Variants in LRBA observed in about 807,000 individuals in gnomAD.
LRBA encodes LPS responsive beige-like anchor protein.
A neutral mutation model predicts 330.0 loss-of-function variants in LRBA; 176 were observed. The observed-to-expected ratio is 0.53, with a 90% CI of 0.47 to 0.60. The LOEUF (loss-of-function observed/expected upper bound fraction) is 0.60. Ranked by LOEUF, LRBA falls within the 20% of genes least tolerant of loss-of-function variation. LRBA has a pLI of 0.00. For synonymous variants in LRBA, 1,230 were observed against 1,193.0 expected (o/e 1.03, Z -0.64); for missense variants, 3,259 against 3,444.8 (o/e 0.95, Z 1.35).
intron 2 of LRBA, among the ~76,000 whole-genome samples, chr4:150,931,764 A>G (rs1734531232): frequency 6.6e-6 from 1 of 152,180 alleles, no homozygotes; most frequent in Non-Finnish European, 1.5e-5. Flanking sequence ...CCTGTCTAAA[A>G]AAAAAATAAG....
chr4:150,395,078 C>G (rs1369080004), intron 47 of LRBA, among the ~76,000 whole-genome samples: 1 of 152,046 alleles, frequency 6.6e-6, no homozygotes, highest in African/African-American at 2.4e-5. Context: ...AATGAGCCAG[C>G]AGAGTTAGGA....
chr4:150,492,747 A>G (rs1382240113), intron 40 of LRBA, among the ~76,000 whole-genome samples: 2 of 152,108 alleles, frequency 1.3e-5, no homozygotes, highest in African/African-American at 4.8e-5. Flanking sequence ...GGACTGTCAG[A>G]TGAGTTCAAC....
chr4:151,005,454 A>C (rs1003621549), intron 2 of LRBA, among the ~76,000 whole-genome samples: 5 of 151,120 alleles, frequency 3.3e-5, no homozygotes, highest in African/African-American at 1.2e-4. Flanking sequence ...AAAAAAAAAA[A>C]AAAAAAAAAA....
chr4:150,592,446 A>G (rs2126472040), intron 38 of LRBA, among the ~76,000 whole-genome samples: 1 of 151,994 alleles, frequency 6.6e-6, no homozygotes, highest in Admixed American at 6.5e-5. Context: ...TGCTACTGAA[A>G]CATAGGAGTT....
intron 2 of LRBA, among the ~76,000 whole-genome samples, chr4:150,954,718 C>A (rs2149552138): frequency 6.8e-6 from 1 of 146,864 alleles, no homozygotes; most frequent in African/African-American, 2.7e-5. Context: ...TGTCCTATGA[C>A]CCTGCCAAAT....
intron 36 of LRBA, among the ~76,000 whole-genome samples, chr4:150,690,637 T>C (rs1784044452): frequency 6.8e-6 from 1 of 146,952 alleles, no homozygotes; most frequent in South Asian, 2.1e-4. Context: ...GATGACAAAA[T>C]GAAGAAACAA....
chr4:150,966,608 G>A (rs1045582116), intron 2 of LRBA, among the ~76,000 whole-genome samples: 2 of 151,546 alleles, frequency 1.3e-5, no homozygotes, highest in Admixed American at 6.6e-5. Context: ...TTACAGGCGT[G>A]AGCCACCGCG....
At chr4:150,348,713 T>C (rs1736739318) in intron 48 of LRBA, among the ~76,000 whole-genome samples, 2 of 152,236 alleles carry the variant, frequency 1.3e-5, no homozygotes, top group South Asian at 4.1e-4. Context: ...TGTTGAAGAA[T>C]TATGGGCATT....
intron 2 of LRBA, among the ~76,000 whole-genome samples, chr4:150,968,002 CTTTT>C (rs35023986): frequency 1.6e-5 from 2 of 126,048 alleles, no homozygotes; most frequent in South Asian, 2.7e-4. Flanking sequence ...ATTTGCACAT[CTTTT>C]TTTTTTTTTT....
chr4:150,470,457 G>A (rs370331458), intron 43 of LRBA, among the ~76,000 whole-genome samples: 3 of 151,890 alleles, frequency 2.0e-5, no homozygotes, highest in Admixed American at 2.0e-4. Context: ...ACTGCTTTCT[G>A]TATTATCTTC....
intron 35 of LRBA, among the ~76,000 whole-genome samples, chr4:150,742,947 T>C (rs1420022199): frequency 6.6e-6 from 1 of 152,068 alleles, no homozygotes; most frequent in Non-Finnish European, 1.5e-5. Flanking sequence ...TAAACTTGGA[T>C]CCAAAGCAAT....
chr4:150,685,576 G>A (rs944421287), intron 36 of LRBA, among the ~76,000 whole-genome samples: 3 of 149,554 alleles, frequency 2.0e-5, no homozygotes, highest in Middle Eastern at 3.4e-3. Context: ...TGGGACTACA[G>A]GTGCACGCCA....
At chr4:150,270,123 T>C (rs1745871449) in intron 56 of LRBA, among the ~76,000 whole-genome samples, 1 of 152,190 alleles carries the variant, frequency 6.6e-6, no homozygotes, top group African/African-American at 2.4e-5. Context: ...GGAACCCATG[T>C]AAAATGGTAC....
Position 150,583,139 on chromosome 4 carries a change from T to C in LRBA, c.6330+4909A>G, listed in dbSNP as rs1293040520. 13 of 1,614,076 alleles carry C rather than the reference T, an allele frequency of 8.1e-6. No homozygotes were observed. The highest frequency in any genetic ancestry group is 1.1e-5 in the Non-Finnish European group (13 of 1,179,996). ...AAAACCATCCGAGAGGTCTGTAAGG[T>C]GGTCTCGGACGTGCTCAAGGAAGTG... On this transcript the variant is annotated intron_variant, in intron 40 of 56. Transcript: ENST00000651943. The surrounding 1 kb of genome is among the most constrained non-coding windows in gnomAD (Gnocchi z 9.8).
chr4:150,657,710 G>A (rs943289597), intron 37 of LRBA, among the ~76,000 whole-genome samples: 14 of 151,872 alleles, frequency 9.2e-5, no homozygotes, highest in Middle Eastern at 3.5e-3. Flanking sequence ...TTAATGTTTC[G>A]TTTCCCAAAA....
chr4:150,461,867 A>G (rs982276042), intron 44 of LRBA, among the ~76,000 whole-genome samples: 1 of 151,752 alleles, frequency 6.6e-6, no homozygotes, highest in African/African-American at 2.4e-5. Context: ...TGATTGCCTC[A>G]GATTGTCTTG....
At chr4:150,812,730 T>C (rs911931646) in intron 31 of LRBA, among the ~76,000 whole-genome samples, 3 of 152,172 alleles carry the variant, frequency 2.0e-5, no homozygotes, top group Non-Finnish European at 4.4e-5. Flanking sequence ...CTGTCTAATA[T>C]TCTAGTAAGT....
intron 42 of LRBA, among the ~76,000 whole-genome samples, chr4:150,478,382 T>C (rs1334921961): frequency 6.6e-6 from 1 of 152,216 alleles, no homozygotes; most frequent in South Asian, 2.1e-4. Context: ...ACAAATACTG[T>C]TCGTCCATTA....
rs149148368 is a variant in LRBA at position 150,896,411 on chromosome 4, G to C, written c.2050C>G (p.Leu684Val). The stretch of plus-strand genomic sequence containing the variant: ...TATATTACCTCATGCATAGTCAGTA[G>C]GTAATTAAGAATGGCCTGTAATTCA... ...EDELQAILNY[L>V]LTMHEDDNLM... The change falls in exon 16 of 57, where the codon CTA (leucine) becomes GTA (valine). Residue 684 changes from leucine to valine, a missense_variant. Transcript: ENST00000651943. The C allele has an allele frequency of 2.6e-6, 4 of 1,540,026 alleles. No homozygotes were observed. In the Admixed American group the frequency reaches 7.0e-5, roughly 27 times the overall value.
Sources: gnomAD v4.1 joint callset for allele counts (sites outside exome capture counted in the v4.1 genomes callset) on GRCh38, gnomAD v4.1.1 for gene constraint, Gnocchi (gnomAD v3.1) non-coding constraint, MANE v1.5 for transcripts, NCBI Gene and HGNC (gene_info 2026-07-23, HGNC 2026-07-21) for gene names.